Variants in KIF7 observed in about 807,000 individuals in gnomAD.
KIF7 encodes the protein kinesin family member 7, also known as kinesin-like protein KIF7.
In KIF7, 104 loss-of-function variants were observed where a neutral mutation model predicts 135.7. The ratio of observed to expected loss-of-function variants is 0.77; its 90% CI spans 0.65 to 0.90. KIF7 has a LOEUF of 0.90. Ranked by LOEUF, KIF7 falls within the 40% of genes least tolerant of loss-of-function variation. KIF7 has a pLI of 0.00. For missense variants in KIF7, 2,005 were observed against 1,839.1 expected (o/e 1.09, Z -1.65); for synonymous variants, 883 against 809.4 (o/e 1.09, Z -1.54).
downstream of KIF7, among the ~76,000 whole-genome samples, chr15:89,623,374 T>A (rs1309499020): frequency 6.6e-6 from 1 of 152,266 alleles, no homozygotes; most frequent in South Asian, 2.1e-4. Context: ...TTTAGCAATA[T>A]GTAGATTATT....
chr15:89,661,758 G>T, the KIF7 span, among the ~76,000 whole-genome samples: 19 of 149,868 alleles, frequency 1.3e-4, no homozygotes, highest in African/African-American at 4.7e-4. Flanking sequence ...TTTCGCTCTT[G>T]TTGCCCAGGC....
chr15:89,648,820 C>G (rs1964069816), intron 4 of KIF7, 46 bp from the exon 5 acceptor site: 3 of 1,503,148 alleles, frequency 2.0e-6, no homozygotes, highest in African/African-American at 1.4e-5. Flanking sequence ...ACGCTCCAGG[C>G]CCAGGGCCAG....
At position 89,649,233 on chromosome 15, in the gene KIF7, T is replaced by C; in HGVS notation, c.664A>G (p.Thr222Ala). ...HLSSRSHTVF[T>A]VTLEQRGRAP... Reference sequence around the variant, plus strand: ...CGCCCCCGCTGCTCCAGGGTCACGGTGAAGACCGTGTGTGAGCGGCTAGAC... The same window carrying C: ...CGCCCCCGCTGCTCCAGGGTCACGGCGAAGACCGTGTGTGAGCGGCTAGAC... Residue 222 changes from threonine (T) to alanine (A), a missense_variant, in exon 4 of 19, where the codon ACC (threonine) becomes GCC (alanine). Physicochemically the swap from Thr to Ala is moderately conservative, Grantham distance 58 (BLOSUM62 0). Transcript: ENST00000394412. 1 of 1,544,724 alleles carries C rather than the reference T, an allele frequency of 6.5e-7. No homozygotes were observed. Among genetic ancestry groups the C allele is most frequent in the South Asian group, 1.2e-5 (1 of 83,850 alleles).
Position 89,633,675 on chromosome 15 carries a change from G to A in KIF7, c.2592+11C>T, listed in dbSNP as rs78199895. 1.3e-4 allele frequency: 214 copies of A among 1,605,296 alleles called. No individual in the cohort carries two copies. In the African/African-American group the frequency reaches 2.5e-3, roughly 19 times the overall value. On this transcript the variant is annotated intron_variant, in intron 12 of 18. Transcript: ENST00000394412. ...CTGGACAGAAGGTCCCCACCCTGCCGTGAGCCTGACCTTGACGCGGTGCTG... is the reference window on the plus strand; with the variant it reads ...CTGGACAGAAGGTCCCCACCCTGCCATGAGCCTGACCTTGACGCGGTGCTG...
At chr15:89,624,050 C>G (rs1339948428), downstream of KIF7, 3 of 1,613,898 alleles carry the variant, frequency 1.9e-6, no homozygotes, top group African/African-American at 4.0e-5. Context: ...ATCAGAGACC[C>G]TCTCAGAACA....
chr15:89,625,539 G>A (rs891342686), downstream of KIF7: 3 of 1,613,488 alleles, frequency 1.9e-6, no homozygotes, highest in Non-Finnish European at 2.5e-6. Flanking sequence ...TCGAGGGAGT[G>A]TGCCAGCTCC....
At position 89,648,961 on chromosome 15, in the gene KIF7, G is replaced by C; in HGVS notation, c.923+13C>G. 2.6e-6 allele frequency: 4 copies of C among 1,525,864 alleles called. No homozygotes were observed. The highest frequency in any genetic ancestry group is 3.5e-6 in the Non-Finnish European group (4 of 1,134,796). The allele number at this position is 1,525,864 out of a possible 1,614,324, so 94.5% of individuals were successfully genotyped here. On this transcript the variant is annotated intron_variant, in intron 4 of 18. Coordinates refer to ENST00000394412, the MANE Select transcript of KIF7 (RefSeq NM_198525.3). Reference sequence around the variant, plus strand: ...CGGCCCCCAGGCCACATAGGAGCCAGGGGGCAGCTCACCGGGTGATCTTGG... The same window carrying C: ...CGGCCCCCAGGCCACATAGGAGCCACGGGGCAGCTCACCGGGTGATCTTGG...
chr15:89,620,809 G>C (rs1963411678), intron 1 of KIF7, among the ~76,000 whole-genome samples: 1 of 150,644 alleles, frequency 6.6e-6, no homozygotes, highest in Non-Finnish European at 1.5e-5. Flanking sequence ...TGCAAGCTCT[G>C]CCTCCCGGGT....
chr15:89,647,253 T>C (rs1964031246), intron 6 of KIF7, among the ~76,000 whole-genome samples, 196 bp from the exon 7 acceptor site: 1 of 152,032 alleles, frequency 6.6e-6, no homozygotes. Flanking sequence ...CACACTCCTA[T>C]CCTGCCAGAC....
At chr15:89,649,693 G>T in intron 3 of KIF7, 48 bp downstream of exon 3, 1 of 1,529,508 alleles carries the variant, frequency 6.5e-7, no homozygotes, top group Non-Finnish European at 8.8e-7. Flanking sequence ...AACAGGTGAA[G>T]CCCCCCTAAG....
At chr15:89,628,864 G>A (rs964521354) in intron 18 of KIF7, 78 bp from the exon 19 acceptor site, 31 of 1,610,082 alleles carry the variant, frequency 1.9e-5, no homozygotes, top group Admixed American at 1.0e-4. Context: ...CAGTGCCCCA[G>A]CACAATAAGC....
In KIF7 at chr15:89,631,637, C is replaced by A; in HGVS notation, c.2969G>T (p.Gly990Val). Residue 990 changes from glycine to valine, a missense_variant, in exon 15 of 19, where the codon GGG (glycine) becomes GTG (valine). Coordinates refer to ENST00000394412, the MANE Select transcript of KIF7 (RefSeq NM_198525.3). Reference sequence around the variant, plus strand: ...CTGGGCGCTGCCCTGCCGCAGCTGCCCGCTCTTCTCGGACAGCTCCTTCTC... The same window carrying A: ...CTGGGCGCTGCCCTGCCGCAGCTGCACGCTCTTCTCGGACAGCTCCTTCTC... ...HLEKELSEKSGQLRQGSAQSQ... is the reference protein window; with the variant it reads ...HLEKELSEKSVQLRQGSAQSQ... 1 of 1,562,360 alleles carries A rather than the reference C, an allele frequency of 6.4e-7. No homozygotes were observed.
In KIF7 at chr15:89,628,603, CA is replaced by C; in HGVS notation, c.3847del (p.Cys1283ValfsTer11). Reference sequence around the variant, plus strand: ...CTCGGGGGACCCCTGCTCCTCACCACACAGGCTCGAGCGTTTCCAGGTCAAG... The same window carrying C: ...CTCGGGGGACCCCTGCTCCTCACCACCAGGCTCGAGCGTTTCCAGGTCAAG... ...LPLTWKRSSL[C>X]GEEQGSPEEL... On this transcript the variant is annotated frameshift_variant, in exon 19 of 19. Transcript: ENST00000394412. LOFTEE classifies it low-confidence loss of function (END_TRUNC). The C allele has an allele frequency of 6.2e-7, 1 of 1,613,470 alleles. No homozygotes were observed. The highest frequency in any genetic ancestry group is 1.1e-5 in the South Asian group (1 of 91,082).
At chr15:89,625,004 T>G, downstream of KIF7, 2 of 1,614,050 alleles carry the variant, frequency 1.2e-6, no homozygotes, top group South Asian at 2.2e-5. Flanking sequence ...GAGCTGGAGA[T>G]GCAAGCTTCT....
the KIF7 span, among the ~76,000 whole-genome samples, chr15:89,662,137 C>A: frequency 6.6e-6 from 1 of 152,286 alleles, no homozygotes; most frequent in Non-Finnish European, 1.5e-5. Context: ...AGCACTGAAG[C>A]ACAAGTCATA....
At chr15:89,661,752 G>A in the KIF7 span, among the ~76,000 whole-genome samples, 131 of 149,892 alleles carry the variant, frequency 8.7e-4, no homozygotes, top group African/African-American at 2.7e-3. Context: ...ATGGAGTTTC[G>A]CTCTTGTTGC....
intron 4 of KIF7, 85 bp from the exon 5 acceptor site, chr15:89,648,859 G>T: frequency 6.8e-7 from 1 of 1,468,578 alleles, no homozygotes; most frequent in Non-Finnish European, 9.0e-7. Context: ...GGCTCCTGGC[G>T]CGGTTCCCGT....
Position 89,631,494 on chromosome 15 carries a change from C to G in KIF7, c.3111+1G>C. On this transcript the variant is annotated splice_donor_variant, in intron 15 of 18. Coordinates refer to ENST00000394412, the MANE Select transcript of KIF7 (RefSeq NM_198525.3). LOFTEE classifies it high-confidence loss of function. Reference sequence around the variant, plus strand: ...GGCTGAGCCATGGGGCCGCAGGGTACCTCGGGGGACAGCAGACTCCCCTGC... The same window carrying G: ...GGCTGAGCCATGGGGCCGCAGGGTAGCTCGGGGGACAGCAGACTCCCCTGC... The G allele has an allele frequency of 6.4e-7, 1 of 1,568,552 alleles. No individual in the cohort carries two copies. Among genetic ancestry groups the G allele is most frequent in the African/African-American group, 1.4e-5 (1 of 73,878 alleles).
At chr15:89,658,039 G>A (rs1447425143), upstream of KIF7, among the ~76,000 whole-genome samples, 1 of 152,226 alleles carries the variant, frequency 6.6e-6, no homozygotes, top group Non-Finnish European at 1.5e-5. Flanking sequence ...GTAGGGGAAA[G>A]CTATTCAATC....
Sources: gnomAD v4.1 joint callset for allele counts (sites outside exome capture counted in the v4.1 genomes callset) on GRCh38, gnomAD v4.1.1 for gene constraint, MANE v1.5 for transcripts, NCBI Gene and HGNC (gene_info 2026-07-23, HGNC 2026-07-21) for gene names.